DAPL1: variants seen among roughly 807,000 people sequenced by gnomAD.
DAPL1 encodes the protein death associated protein like 1.
A neutral mutation model predicts 12.9 loss-of-function variants in DAPL1; 17 were observed. That is an observed-to-expected ratio of 1.32 (90% CI 0.90 to 1.98). The LOEUF (loss-of-function observed/expected upper bound fraction) is 1.98. Ranked by LOEUF, DAPL1 falls within the 30% of genes most tolerant of loss-of-function variation. The probability of loss-of-function intolerance (pLI) is 0.00; values close to 1 mark genes in which losing one functional copy is unlikely to be tolerated. For missense variants in DAPL1, 157 were observed against 125.7 expected, an observed-to-expected ratio of 1.25 and a Z score of -1.19; for synonymous variants, 51 against 42.0, an observed-to-expected ratio of 1.21 and a Z score of -0.82.
intron 1 of DAPL1, among the ~76,000 whole-genome samples, chr2:158,800,933 A>G (rs963258005): frequency 2.0e-5 from 3 of 152,146 alleles, no homozygotes; most frequent in African/African-American, 7.2e-5. Context: ...TCTGCCTCCC[A>G]GGTTCAAGCA....
chr2:158,799,250 T>A (rs1039898090), intron 1 of DAPL1, among the ~76,000 whole-genome samples: 2 of 152,234 alleles, frequency 1.3e-5, no homozygotes, highest in Admixed American at 1.3e-4. Flanking sequence ...TTAATTTACA[T>A]ATTTGTACTC....
Position 158,815,878 on chromosome 2 carries a change from C to T in DAPL1, c.*57C>T. The T allele has an allele frequency of 3.3e-6, 4 of 1,226,896 alleles. No homozygotes were observed. The highest frequency in any genetic ancestry group is 4.8e-6 in the Non-Finnish European group (4 of 829,188). The allele number at this position is 1,226,896 out of a possible 1,614,324, so 76.0% of individuals were successfully genotyped here. A position where few individuals can be genotyped will look rare whatever the true frequency, so the allele number is the denominator to read the frequency against. On this transcript the variant is annotated 3_prime_UTR_variant, in exon 4 of 4. Transcript: ENST00000309950. The stretch of plus-strand genomic sequence containing the variant: ...CTGCCTCGAATATCTGACAGCTTAG[C>T]AAAAAGGGCCAAAGCTTTCCATAGG...
chr2:158,814,484 G>T (rs981190891), intron 3 of DAPL1, among the ~76,000 whole-genome samples: 26 of 152,276 alleles, frequency 1.7e-4, no homozygotes, highest in South Asian at 4.1e-4. Context: ...AAAAAGAGAG[G>T]CATTGCCCAT....
intron 3 of DAPL1, among the ~76,000 whole-genome samples, chr2:158,815,345 T>G (rs974908752): frequency 1.3e-5 from 2 of 152,262 alleles, no homozygotes; most frequent in Admixed American, 1.3e-4. Context: ...GTCCCCACTC[T>G]GGACCTTCTC....
At chr2:158,802,106 C>A (rs2059170936) in intron 1 of DAPL1, among the ~76,000 whole-genome samples, 1 of 152,172 alleles carries the variant, frequency 6.6e-6, no homozygotes, top group South Asian at 2.1e-4. Flanking sequence ...CTTTGTAGCT[C>A]GCGTTGTTAA....
intron 2 of DAPL1, among the ~76,000 whole-genome samples, chr2:158,806,133 G>C (rs1461659289): frequency 6.7e-6 from 1 of 148,152 alleles, no homozygotes; most frequent in Non-Finnish European, 1.5e-5. Flanking sequence ...TGTCATCTTA[G>C]AGAATAGCTT....
intron 1 of DAPL1, among the ~76,000 whole-genome samples, chr2:158,799,621 T>C (rs1195346341): frequency 1.3e-5 from 2 of 152,110 alleles, no homozygotes; most frequent in Admixed American, 6.6e-5. Context: ...TCTATATCAG[T>C]GCATCCATCT....
rs771825667 is a variant in DAPL1, at chr2:158,815,737, G to A, written c.240G>A (p.Met80Ile). The A allele has an allele frequency of 3.7e-6, 6 of 1,613,826 alleles. No homozygotes were observed. The Admixed American group carries it at 1.0e-4, about 27-fold the overall frequency. Residue 80 changes from methionine (M) to isoleucine (I), a missense_variant, in exon 4 of 4, where the codon ATG becomes ATA. Met to Ile is a conservative substitution (Grantham distance 10). Transcript: ENST00000309950. Reference sequence around the variant, plus strand: ...ATAAATTTCCAGCAACAGTGCACATGGCGCATCAAAAACCCACACCTGCTC... The same window carrying A: ...ATAAATTTCCAGCAACAGTGCACATAGCGCATCAAAAACCCACACCTGCTC... The part of the protein sequence containing the change: ...LNYKFPATVH[M>I]AHQKPTPALE...
At chr2:158,804,502 C>T (rs1434663400) in intron 2 of DAPL1, 133 bp downstream of exon 2, 11 of 528,614 alleles carry the variant, frequency 2.1e-5, no homozygotes, top group Admixed American at 6.7e-5. Context: ...AGGGGGAGGG[C>T]GTGATCCGTG....
At chr2:158,800,487 T>C (rs2059161325) in intron 1 of DAPL1, among the ~76,000 whole-genome samples, 1 of 152,190 alleles carries the variant, frequency 6.6e-6, no homozygotes, top group Non-Finnish European at 1.5e-5. Flanking sequence ...TTATGTCACC[T>C]CTATTTTCTG....
At chr2:158,810,898 C>T (rs909731389) in intron 3 of DAPL1, among the ~76,000 whole-genome samples, 6 of 152,202 alleles carry the variant, frequency 3.9e-5, no homozygotes, top group African/African-American at 1.2e-4. Flanking sequence ...AGTTATTTGA[C>T]CTTTTAGATG....
At chr2:158,809,630 T>C (rs552831521) in intron 3 of DAPL1, among the ~76,000 whole-genome samples, 14 of 152,228 alleles carry the variant, frequency 9.2e-5, no homozygotes, top group African/African-American at 2.6e-4. Context: ...ATCTACTTCA[T>C]AGGGACATGT....
intron 2 of DAPL1, 34 bp downstream of exon 2, chr2:158,804,403 G>A (rs993037063): frequency 1.3e-6 from 2 of 1,482,316 alleles, no homozygotes; most frequent in Non-Finnish European, 9.3e-7. Flanking sequence ...ATCACCTTGA[G>A]GAGTTTTGAG....
At chr2:158,797,907 G>A (rs758880163) in intron 1 of DAPL1, among the ~76,000 whole-genome samples, 23 of 152,200 alleles carry the variant, frequency 1.5e-4, no homozygotes, top group Middle Eastern at 6.8e-3. Flanking sequence ...ATCTCTGATA[G>A]CCCTAGTTAT....
At chr2:158,807,011 A>C (rs758308337) in intron 2 of DAPL1, 44 bp from the exon 3 acceptor site, 1 of 1,543,950 alleles carries the variant, frequency 6.5e-7, no homozygotes, top group South Asian at 1.1e-5. Context: ...TTTCAGTGGG[A>C]AAATTTTTTA....
At chr2:158,814,891 A>T (rs2105158649) in intron 3 of DAPL1, among the ~76,000 whole-genome samples, 1 of 152,266 alleles carries the variant, frequency 6.6e-6, no homozygotes, top group South Asian at 2.1e-4. Context: ...GGAAACCAAG[A>T]ACTAGCATGG....
At chr2:158,812,959 A>G (rs1287174004) in intron 3 of DAPL1, among the ~76,000 whole-genome samples, 1 of 152,178 alleles carries the variant, frequency 6.6e-6, no homozygotes, top group Non-Finnish European at 1.5e-5. Context: ...CAATAGCCAA[A>G]AGATGAAGAG....
At chr2:158,801,303 A>G (rs1177856608) in intron 1 of DAPL1, among the ~76,000 whole-genome samples, 1 of 152,216 alleles carries the variant, frequency 6.6e-6, no homozygotes, top group Non-Finnish European at 1.5e-5. Context: ...GGCACTTGTC[A>G]TAAGGAGAAT....
rs2105145582 is a variant in DAPL1 at position 158,795,322 on chromosome 2, T to G, written c.-51T>G. 1.9e-6 allele frequency: 3 copies of G among 1,550,242 alleles called. No homozygotes were observed. Among genetic ancestry groups the G allele is most frequent in the South Asian group, 2.4e-5 (2 of 84,004 alleles). ...GGTGCGGTGGTGGGGCAGCCACAGC[T>G]GGCATTCAGCCTCCAGAGCACCAGC... On this transcript the variant is annotated 5_prime_UTR_variant, in exon 1 of 4. Coordinates refer to ENST00000309950, the MANE Select transcript of DAPL1 (RefSeq NM_001017920.3).
Sources: gnomAD v4.1 joint callset for allele counts (sites outside exome capture counted in the v4.1 genomes callset) on GRCh38, gnomAD v4.1.1 for gene constraint, MANE v1.5 for transcripts, NCBI Gene and HGNC (gene_info 2026-07-23, HGNC 2026-07-21) for gene names.